ZNF827: variants seen among roughly 807,000 people sequenced by gnomAD.
The protein encoded by ZNF827 is zinc finger protein 827.
Under a neutral mutation model 102.4 loss-of-function variants are expected in ZNF827, and 13 were observed. That is an observed-to-expected ratio of 0.13 (90% CI 0.08 to 0.20). The LOEUF is 0.20. ZNF827 is among the 10% of genes least tolerant of loss of function. The pLI is 1.00. For synonymous variants in ZNF827, 523 were observed against 536.2 expected, an observed-to-expected ratio of 0.98 and a Z score of 0.34; for missense variants, 1,103 against 1,344.4, an observed-to-expected ratio of 0.82 and a Z score of 2.81.
At chr4:145,937,356 G>A (rs1754266417) in intron 1 of ZNF827, among the ~76,000 whole-genome samples, 1 of 151,206 alleles carries the variant, frequency 6.6e-6, no homozygotes, top group African/African-American at 2.4e-5. Flanking sequence ...TCGCCAAGGA[G>A]GGGGTCTGAG....
At chr4:145,926,466 G>A (rs1753430497) in intron 1 of ZNF827, among the ~76,000 whole-genome samples, 4 of 152,180 alleles carry the variant, frequency 2.6e-5, no homozygotes, top group Admixed American at 1.3e-4. Context: ...CAATACTATA[G>A]ATGGGTTGAA....
intron 4 of ZNF827, among the ~76,000 whole-genome samples, chr4:145,884,081 A>T (rs1749904614): frequency 6.6e-6 from 1 of 152,226 alleles, no homozygotes; most frequent in African/African-American, 2.4e-5. Context: ...GGAGCAGAGA[A>T]GCCAGTGTTC....
Position 145,902,354 on chromosome 4 carries a change from A to T in ZNF827, c.905T>A (p.Leu302His). The change falls in exon 2 of 15, where the codon CTT becomes CAT. Residue 302 changes from leucine (L) to histidine (H), a missense_variant. Coordinates refer to ENST00000508784, the MANE Select transcript of ZNF827 (RefSeq NM_001306215.2). This position sits in a 1 kb window ranked among gnomAD's most constrained non-coding sequence, Gnocchi z 4.3. ...CAGCAGCGATGATTTCTCAGCCAGA[A>T]GACTGCCCGCAGCCCTTGCGGCCAC... is the stretch of plus-strand genomic sequence containing the variant. ...KEVAARAAGS[L>H]LAEKSSLLPE... is the part of the protein sequence containing the mutation. 1 of 1,609,388 alleles carries T rather than the reference A, an allele frequency of 6.2e-7. No homozygotes were observed. Among genetic ancestry groups the T allele is most frequent in the Non-Finnish European group, 8.5e-7 (1 of 1,177,022 alleles).
At chr4:145,912,589 A>T (rs1752368454) in intron 1 of ZNF827, among the ~76,000 whole-genome samples, 1 of 152,238 alleles carries the variant, frequency 6.6e-6, no homozygotes, top group African/African-American at 2.4e-5. Flanking sequence ...TCAAGTGAAG[A>T]TGAGGTCATT....
intron 8 of ZNF827, among the ~76,000 whole-genome samples, chr4:145,782,408 A>C (rs891931314): frequency 2.0e-5 from 3 of 152,150 alleles, no homozygotes; most frequent in African/African-American, 7.2e-5. Context: ...ACTCTCCTGC[A>C]TCTCCTGTGA....
At chr4:145,838,303 C>A (rs868630968) in intron 7 of ZNF827, among the ~76,000 whole-genome samples, 1 of 152,086 alleles carries the variant, frequency 6.6e-6, no homozygotes, top group East Asian at 1.9e-4. Flanking sequence ...CACCTTGCGA[C>A]CCCCACTCCT....
At chr4:145,872,928 C>T (rs1748828138) in intron 4 of ZNF827, among the ~76,000 whole-genome samples, 1 of 146,308 alleles carries the variant, frequency 6.8e-6, no homozygotes, top group South Asian at 2.2e-4. Context: ...ATGAAGGCAA[C>T]AATTTTTTTT....
chr4:145,782,082 G>A (rs1043926052), intron 8 of ZNF827, among the ~76,000 whole-genome samples: 1 of 152,200 alleles, frequency 6.6e-6, no homozygotes, highest in Non-Finnish European at 1.5e-5. Context: ...AGTTGTCACG[G>A]GGCACCCATG....
intron 2 of ZNF827, 136 bp from the exon 3 acceptor site, chr4:145,892,551 A>G (rs1750684793): frequency 2.0e-6 from 2 of 979,274 alleles, no homozygotes; most frequent in Admixed American, 3.0e-5. Context: ...CCGAGATTTT[A>G]TCCATAAGAA....
At chr4:145,775,245 C>G (rs1184022007) in intron 10 of ZNF827, among the ~76,000 whole-genome samples, 1 of 152,152 alleles carries the variant, frequency 6.6e-6, no homozygotes, top group African/African-American at 2.4e-5. Context: ...TGGCAACTCT[C>G]TAGGACAAGA....
chr4:145,928,020 C>T (rs766637249), intron 1 of ZNF827, among the ~76,000 whole-genome samples: 1 of 152,188 alleles, frequency 6.6e-6, no homozygotes, highest in Non-Finnish European at 1.5e-5. Context: ...TCTGTGTCTC[C>T]TGCCTACTGT....
intron 11 of ZNF827, among the ~76,000 whole-genome samples, chr4:145,773,211 T>C (rs1011894823): frequency 3.9e-5 from 6 of 152,224 alleles, no homozygotes. Context: ...GTCTTCAACA[T>C]GGGTTTCCCA....
At chr4:145,929,507 G>A (rs1380192404) in intron 1 of ZNF827, among the ~76,000 whole-genome samples, 1 of 152,118 alleles carries the variant, frequency 6.6e-6, no homozygotes, top group Non-Finnish European at 1.5e-5. Context: ...CATATAAACA[G>A]AGAAACTCAT....
intron 11 of ZNF827, chr4:145,771,017 A>G (rs1207530322): frequency 2.0e-5 from 3 of 152,338 alleles, no homozygotes; most frequent in Non-Finnish European, 2.9e-5. Flanking sequence ...TTTTAGCTGT[A>G]TGTGTTTCCT....
At chr4:145,774,151 T>C (rs555880445) in intron 11 of ZNF827, among the ~76,000 whole-genome samples, 1 of 152,142 alleles carries the variant, frequency 6.6e-6, no homozygotes, top group South Asian at 2.1e-4. Flanking sequence ...ACTTAGAGGG[T>C]TGCTATGGGG....
intron 5 of ZNF827, among the ~76,000 whole-genome samples, chr4:145,865,965 A>G (rs535750239): frequency 6.6e-6 from 1 of 152,316 alleles, no homozygotes; most frequent in Non-Finnish European, 1.5e-5. Flanking sequence ...AGCAAAACAT[A>G]AACTCAGAAG....
intron 1 of ZNF827, among the ~76,000 whole-genome samples, chr4:145,919,783 C>A (rs571229405): frequency 6.6e-6 from 1 of 152,206 alleles, no homozygotes; most frequent in East Asian, 1.9e-4. Context: ...AAACCAGAAA[C>A]CTGTAGATTC....
chr4:145,824,043 CTT>C (rs1743423435), intron 7 of ZNF827, among the ~76,000 whole-genome samples: 5 of 152,314 alleles, frequency 3.3e-5, no homozygotes, highest in Admixed American at 1.3e-4. Context: ...AAAACTGCAA[CTT>C]GAAATTGTGT....
At chr4:145,921,535 T>C (rs1398755608) in intron 1 of ZNF827, among the ~76,000 whole-genome samples, 1 of 122,308 alleles carries the variant, frequency 8.2e-6, no homozygotes, top group South Asian at 2.6e-4. Context: ...TGAGAAAAAA[T>C]ATGAGTGTAA....
Sources: gnomAD v4.1 joint callset for allele counts (sites outside exome capture counted in the v4.1 genomes callset) on GRCh38, gnomAD v4.1.1 for gene constraint, Gnocchi (gnomAD v3.1) non-coding constraint, MANE v1.5 for transcripts, NCBI Gene and HGNC (gene_info 2026-07-23, HGNC 2026-07-21) for gene names.